Variants in CAMTA1 observed in about 807,000 individuals in gnomAD.
CAMTA1 encodes the protein calmodulin binding transcription activator 1, also known as calmodulin-binding transcription activator 1.
In CAMTA1, 27 loss-of-function variants were observed where a neutral mutation model predicts 170.9. That is an observed-to-expected ratio of 0.16 (90% CI 0.12 to 0.22). CAMTA1 has a LOEUF of 0.22. CAMTA1 is among the 10% of genes least tolerant of loss of function. The pLI is 1.00. For missense variants in CAMTA1, 1,619 were observed against 2,217.2 expected (o/e 0.73, Z 5.42); for synonymous variants, 833 against 891.5 (o/e 0.93, Z 1.17).
At chr1:7,535,173 G>A (rs2478266) in intron 6 of CAMTA1, among the ~76,000 whole-genome samples, 116,932 of 152,070 alleles carry the variant, frequency 0.77, 45,176 homozygotes, top group Middle Eastern at 0.85. Context: ...GTGAGTTTCA[G>A]TGAATGAATG....
At chr1:7,257,078 G>GT (rs1553291567) in intron 5 of CAMTA1, among the ~76,000 whole-genome samples, 16 of 131,788 alleles carry the variant, frequency 1.2e-4, no homozygotes, top group East Asian at 9.7e-4. Flanking sequence ...TCGCATGGCG[G>GT]GGGCGGGGGT....
At chr1:6,984,291 A>G (rs1452174680) in intron 3 of CAMTA1, among the ~76,000 whole-genome samples, 1 of 151,866 alleles carries the variant, frequency 6.6e-6, no homozygotes, top group Non-Finnish European at 1.5e-5. Context: ...AAAAGTGCAT[A>G]AAGGGGTTTC....
intron 6 of CAMTA1, among the ~76,000 whole-genome samples, chr1:7,479,462 G>C (rs1166195513): frequency 2.0e-5 from 3 of 152,156 alleles, no homozygotes; most frequent in Non-Finnish European, 4.4e-5. Flanking sequence ...GACGTCCTGG[G>C]GGATTTTATG....
intron 4 of CAMTA1, among the ~76,000 whole-genome samples, chr1:7,196,594 A>G (rs942349919): frequency 1.3e-5 from 2 of 152,248 alleles, no homozygotes; most frequent in African/African-American, 4.8e-5. Flanking sequence ...TAAAGCATTT[A>G]CTAGCTGTAG....
At chr1:7,575,791 T>C (rs2095184375) in intron 6 of CAMTA1, among the ~76,000 whole-genome samples, 1 of 152,158 alleles carries the variant, frequency 6.6e-6, no homozygotes, top group South Asian at 2.1e-4. Context: ...TAACACCTTA[T>C]TGGATGAGAC....
intron 5 of CAMTA1, among the ~76,000 whole-genome samples, chr1:7,275,532 CAG>C (rs1374122386): frequency 2.0e-5 from 3 of 151,876 alleles, no homozygotes; most frequent in East Asian, 1.9e-4. Context: ...GATTAAGAAA[CAG>C]AGAAATATAC....
At chr1:7,266,471 T>C (rs999733105) in intron 5 of CAMTA1, among the ~76,000 whole-genome samples, 4 of 152,238 alleles carry the variant, frequency 2.6e-5, no homozygotes, top group African/African-American at 9.6e-5. Context: ...TGCATCCATT[T>C]ATTGAAGAAA....
chr1:7,154,071 G>A (rs563182960), intron 4 of CAMTA1, among the ~76,000 whole-genome samples: 14 of 152,322 alleles, frequency 9.2e-5, no homozygotes, highest in African/African-American at 3.1e-4. Context: ...AGTGCCTGTG[G>A]CAAGCCATTG....
chr1:6,923,863 C>T (rs1457938204), intron 3 of CAMTA1, among the ~76,000 whole-genome samples: 1 of 152,228 alleles, frequency 6.6e-6, no homozygotes, highest in Non-Finnish European at 1.5e-5. Flanking sequence ...TCCCCTAGAC[C>T]TGCCAATTTG....
In CAMTA1 at chr1:7,633,224, C is replaced by T. The variant is rs1302570236; in HGVS notation, c.511-7176C>T. Among the ~76,000 whole-genome samples, 7 of 152,344 alleles carry T rather than the reference C, an allele frequency of 4.6e-5. No homozygotes were observed. The East Asian group carries it at 1.2e-3, about 25-fold the overall frequency. ...AGAGATTGACTCTACCTCAGGCTCC[C>T]GGGAGATGCCCTTCCACCACCTTCA... On this transcript the variant is annotated intron_variant, in intron 6 of 22. Coordinates refer to ENST00000303635, the MANE Select transcript of CAMTA1 (RefSeq NM_015215.4). The surrounding 1 kb of genome is among the most constrained non-coding windows in gnomAD (Gnocchi z 4.1).
chr1:7,735,833 G>A (rs192955298), intron 12 of CAMTA1, among the ~76,000 whole-genome samples: 79 of 152,090 alleles, frequency 5.2e-4, no homozygotes, highest in Non-Finnish European at 3.2e-4. Flanking sequence ...ATGCAGTGGC[G>A]CGATCACAGC....
chr1:7,332,561 C>A (rs1481984963), intron 5 of CAMTA1, among the ~76,000 whole-genome samples: 1 of 152,130 alleles, frequency 6.6e-6, no homozygotes, highest in Non-Finnish European at 1.5e-5. Flanking sequence ...AGGAGCAGCC[C>A]GGAAGAAACC....
At chr1:7,653,733 T>C (rs1299065135) in intron 7 of CAMTA1, among the ~76,000 whole-genome samples, 5 of 151,738 alleles carry the variant, frequency 3.3e-5, no homozygotes, top group Admixed American at 1.3e-4. Context: ...GAGGGCATGA[T>C]TGAGAAATTG....
At chr1:7,497,646 C>A (rs886363771) in intron 6 of CAMTA1, among the ~76,000 whole-genome samples, 2 of 152,150 alleles carry the variant, frequency 1.3e-5, no homozygotes, top group African/African-American at 4.8e-5. Context: ...TGAATGCTAC[C>A]ACTTTCATTT....
chr1:6,879,873 T>C (rs1429760401), intron 3 of CAMTA1, among the ~76,000 whole-genome samples: 1 of 151,222 alleles, frequency 6.6e-6, no homozygotes, highest in Non-Finnish European at 1.5e-5. Context: ...GTGTTCCTCC[T>C]GCCTTGGCCT....
At chr1:7,186,908 G>A (rs1393712861) in intron 4 of CAMTA1, among the ~76,000 whole-genome samples, 2 of 152,074 alleles carry the variant, frequency 1.3e-5, no homozygotes, top group African/African-American at 2.4e-5. Context: ...CGGCGGGGGC[G>A]TGAAAATCAG....
At chr1:7,434,451 CCATTCATTCATT>C (rs34014428) in intron 5 of CAMTA1, among the ~76,000 whole-genome samples, 1 of 150,952 alleles carries the variant, frequency 6.6e-6, no homozygotes, top group African/African-American at 2.4e-5. Flanking sequence ...GAGGAAAGCA[CCATTCATTCATT>C]CATTCATTCA....
chr1:6,972,667 A>C lies in CAMTA1; in HGVS notation c.235-118637A>C, dbSNP rs886787416. On this transcript the variant is annotated intron_variant, in intron 3 of 22. Coordinates refer to ENST00000303635, the MANE Select transcript of CAMTA1 (RefSeq NM_015215.4). ...AGTTGGCCAGGGAAGTGCTGATTAG[A>C]GGGGCCAAAGCCTGAATTCTGCCTG... 2.6e-5 allele frequency among the ~76,000 whole-genome samples: 4 copies of C among 152,170 alleles called. No individual in the cohort carries two copies. In the South Asian group the frequency reaches 6.2e-4, roughly 24 times the overall value.
intron 17 of CAMTA1, among the ~76,000 whole-genome samples, chr1:7,745,279 A>G (rs1219212786): frequency 6.6e-6 from 1 of 152,072 alleles, no homozygotes; most frequent in Non-Finnish European, 1.5e-5. Context: ...TAATCCCAGC[A>G]CTTTTGGGAG....
Sources: allele counts gnomAD v4.1 joint callset (sites outside exome capture counted in the v4.1 genomes callset), GRCh38; gene constraint gnomAD v4.1.1; non-coding constraint Gnocchi (gnomAD v3.1); transcripts MANE v1.5; gene names NCBI Gene and HGNC (gene_info 2026-07-23, HGNC 2026-07-21).